The following GTF2H1 variants were observed in gnomAD, a reference collection of about 807,000 sequenced individuals.
The protein encoded by GTF2H1 is general transcription factor IIH subunit 1, also known as BTF2 p62.
In GTF2H1, 16 loss-of-function variants were observed where a neutral mutation model predicts 71.2. The observed-to-expected ratio is 0.22, with a 90% CI of 0.15 to 0.34. The LOEUF (loss-of-function observed/expected upper bound fraction) is 0.34. GTF2H1 is among the 10% of genes least tolerant of loss of function. GTF2H1 has a pLI of 1.00. For missense variants in GTF2H1, 498 were observed against 648.2 expected (o/e 0.77, Z 2.52); for synonymous variants, 215 against 219.0 (o/e 0.98, Z 0.16).
At position 18,346,733 on chromosome 11, in the gene GTF2H1, C is replaced by CTTTTTTTTTTTT. The variant is rs35494754; in HGVS notation, c.838-844_838-833dup. The stretch of plus-strand genomic sequence containing the variant: ...CACTATATTCTATTCTTTTTATTTA[C>CTTTTTTTTTTTT]TTTTTTTTTTTTTTTTTTTTTTGAG... On this transcript the variant is annotated intron_variant, in intron 7 of 14. Coordinates refer to ENST00000265963, the MANE Select transcript of GTF2H1 (RefSeq NM_005316.4). 3.3e-4 allele frequency among the ~76,000 whole-genome samples: 28 copies of CTTTTTTTTTTTT among 85,210 alleles called. 1 individual carries two copies. The highest frequency in any genetic ancestry group is 6.3e-4 in the African/African-American group (13 of 20,528). 55.9% of individuals were successfully genotyped at this position (85,210 alleles called of 152,430 possible). A position where few individuals can be genotyped will look rare whatever the true frequency, so the allele number is the denominator to read the frequency against.
At chr11:18,335,342 C>T (rs188293536) in intron 2 of GTF2H1, among the ~76,000 whole-genome samples, 1 of 152,264 alleles carries the variant, frequency 6.6e-6, no homozygotes, top group Admixed American at 6.5e-5. Flanking sequence ...AAAAGAAATG[C>T]CATGGGCCGC....
In GTF2H1 at chr11:18,347,706, T is replaced by G. The variant is rs1865329072; in HGVS notation, c.956T>G (p.Leu319Arg). 1.9e-6 allele frequency: 3 copies of G among 1,613,434 alleles called. No homozygotes were observed. The highest frequency in any genetic ancestry group is 1.3e-5 in the African/African-American group (1 of 74,890). ...HHSAMVLAAG[L>R]RKQEAQNEQT... is the part of the protein sequence containing the mutation. ...AGTGCCATGGTCCTGGCAGCTGGAC[T>G]CAGAAAACAGTTAAGTATAAATGCA... Residue 319 changes from leucine to arginine, a missense_variant, in exon 8 of 15, where the codon CTC becomes CGC. Transcript: ENST00000265963.
intron 1 of GTF2H1, among the ~76,000 whole-genome samples, chr11:18,330,810 A>G (rs1031995280): frequency 1.3e-5 from 2 of 152,178 alleles, no homozygotes; most frequent in African/African-American, 2.4e-5. Context: ...ATCTTTGGAT[A>G]GTCCCCAGGC....
chr11:18,351,212 G>A (rs1590194385), intron 9 of GTF2H1, among the ~76,000 whole-genome samples: 1 of 151,384 alleles, frequency 6.6e-6, no homozygotes, highest in East Asian at 1.9e-4. Flanking sequence ...CTGGGGAGGT[G>A]GTGATATGCG....
chr11:18,352,646 G>GA (rs958023737), intron 11 of GTF2H1, among the ~76,000 whole-genome samples, 200 bp downstream of exon 11: 1 of 151,878 alleles, frequency 6.6e-6, no homozygotes, highest in Non-Finnish European at 1.5e-5. Flanking sequence ...AGATGATAAT[G>GA]AAAAAAAATA....
chr11:18,352,145 G>A (rs1865442762), intron 10 of GTF2H1, 176 bp downstream of exon 10: 1 of 624,884 alleles, frequency 1.6e-6, no homozygotes, highest in African/African-American at 1.8e-5. Context: ...GACAATAAAT[G>A]TGGATCTTTC....
At chr11:18,341,632 G>T (rs1237421201) in intron 7 of GTF2H1, 25 bp downstream of exon 7, 1 of 1,402,696 alleles carries the variant, frequency 7.1e-7, no homozygotes, top group East Asian at 2.3e-5. Context: ...AAGAAGTTTT[G>T]AGAGAAAAGA....
rs75644482 is a variant in GTF2H1 at position 18,345,796 on chromosome 11, G to GTCTTTTTTTTTTT, written c.838-1791_838-1790insCTTTTTTTTTTTT. ...GAGCCACCACACCCAGCACATATGA[G>GTCTTTTTTTTTTT]TTTTTTTTTTTTTGAGACGGAGTCT... On this transcript the variant is annotated intron_variant, in intron 7 of 14. Coordinates refer to ENST00000265963, the MANE Select transcript of GTF2H1 (RefSeq NM_005316.4). Among the ~76,000 whole-genome samples, 50 of 125,206 alleles carry GTCTTTTTTTTTTT rather than the reference G, an allele frequency of 4.0e-4. 8 individuals carry two copies. Among genetic ancestry groups the GTCTTTTTTTTTTT allele is most frequent in the South Asian group, 1.8e-3 (7 of 3,892 alleles). The allele number at this position is 125,206 out of a possible 152,430, so 82.1% of individuals were successfully genotyped here.
chr11:18,349,703 A>AT (rs148377119), intron 9 of GTF2H1, among the ~76,000 whole-genome samples: 3,870 of 152,206 alleles, frequency 0.025, 146 homozygotes, highest in South Asian at 0.083. Flanking sequence ...TAAAAAAGAA[A>AT]TTTATTTACT....
At chr11:18,358,146 G>A (rs1328305883) in intron 12 of GTF2H1, 104 bp downstream of exon 12, 1 of 731,160 alleles carries the variant, frequency 1.4e-6, no homozygotes, top group Non-Finnish European at 2.4e-6. Context: ...GAATAATCCT[G>A]GGATTTCTAT....
chr11:18,329,009 A>G (rs1237143745), intron 1 of GTF2H1, among the ~76,000 whole-genome samples: 1 of 152,208 alleles, frequency 6.6e-6, no homozygotes, highest in Non-Finnish European at 1.5e-5. Flanking sequence ...CCTTTATCAT[A>G]TTTGATATAT....
intron 9 of GTF2H1, chr11:18,348,433 C>T (rs1019688944): frequency 1.9e-5 from 3 of 159,468 alleles, no homozygotes; most frequent in Non-Finnish European, 4.1e-5. Flanking sequence ...GCAACTTTGC[C>T]ACGCTATTTT....
chr11:18,336,066 T>C (rs893016798), intron 3 of GTF2H1, 120 bp downstream of exon 3: 4 of 655,260 alleles, frequency 6.1e-6, no homozygotes, highest in Non-Finnish European at 1.0e-5. Context: ...TTTTTGTTGT[T>C]GTCGTTTTTG....
At chr11:18,342,812 C>G (rs919693847) in intron 7 of GTF2H1, among the ~76,000 whole-genome samples, 5 of 152,244 alleles carry the variant, frequency 3.3e-5, no homozygotes, top group Admixed American at 3.3e-4. Context: ...GTATCAATAG[C>G]TGTATAAACC....
intron 14 of GTF2H1, among the ~76,000 whole-genome samples, chr11:18,361,952 G>C (rs868685880): frequency 1.2e-4 from 18 of 152,178 alleles, no homozygotes; most frequent in African/African-American, 3.6e-4. Flanking sequence ...CAGATCATTT[G>C]TATGTGCAGT....
intron 13 of GTF2H1, among the ~76,000 whole-genome samples, chr11:18,360,405 G>A (rs567998526): frequency 6.6e-6 from 1 of 152,322 alleles, no homozygotes; most frequent in South Asian, 2.1e-4. Flanking sequence ...ACAGGCGTGA[G>A]CCACCACGTC....
intron 14 of GTF2H1, among the ~76,000 whole-genome samples, chr11:18,361,718 T>C (rs1414612309): frequency 1.3e-5 from 2 of 152,162 alleles, no homozygotes; most frequent in East Asian, 3.8e-4. Flanking sequence ...ATATTACTAA[T>C]TTATTAATTT....
intron 14 of GTF2H1, among the ~76,000 whole-genome samples, chr11:18,361,184 C>T (rs1294343598): frequency 6.6e-6 from 1 of 152,066 alleles, no homozygotes; most frequent in Non-Finnish European, 1.5e-5. Flanking sequence ...AAAATACATA[C>T]ATATTTTTTA....
intron 1 of GTF2H1, among the ~76,000 whole-genome samples, chr11:18,326,639 C>T (rs117296741): frequency 0.018 from 2,767 of 152,190 alleles, 35 homozygotes; most frequent in Non-Finnish European, 0.028. Context: ...TCATAAAGGT[C>T]TTTGTATTAT....
Sources: gnomAD v4.1 joint callset for allele counts (sites outside exome capture counted in the v4.1 genomes callset) on GRCh38, gnomAD v4.1.1 for gene constraint, MANE v1.5 for transcripts, NCBI Gene and HGNC (gene_info 2026-07-23, HGNC 2026-07-21) for gene names.